The following SLC12A9 variants were observed in gnomAD, a reference collection of about 807,000 sequenced individuals.
SLC12A9 encodes solute carrier family 12 member 9.
In SLC12A9, 55 loss-of-function variants were observed where a neutral mutation model predicts 66.0. The ratio of observed to expected loss-of-function variants is 0.83; its 90% CI spans 0.67 to 1.04. The LOEUF (loss-of-function observed/expected upper bound fraction) is 1.04, where lower values mean the gene tolerates loss of function less well. Among genes scored for constraint, SLC12A9 ranks in the 50% least tolerant of loss-of-function variants. The pLI is 0.00. For missense variants in SLC12A9, 1,061 were observed against 1,241.9 expected (o/e 0.85, Z 2.19); for synonymous variants, 577 against 569.0 (o/e 1.01, Z -0.20).
At position 100,865,821 on chromosome 7, in the gene SLC12A9, C is replaced by T; in HGVS notation, c.1961C>T (p.Thr654Ile). Residue 654 changes from threonine (T) to isoleucine (I), a missense_variant, in exon 14 of 14, where the codon ACC (threonine) becomes ATC (isoleucine). Physicochemically the swap from Thr to Ile is moderately conservative, Grantham distance 89 (BLOSUM62 -1). Transcript: ENST00000354161. ...GCTTTCTCTGAGCCTGCAGACAGCACCAGGGAGGGCAGTTCCCCAGCTCTG... is the reference window on the plus strand; with the variant it reads ...GCTTTCTCTGAGCCTGCAGACAGCATCAGGGAGGGCAGTTCCCCAGCTCTG... ...DPAFSEPADS[T>I]REGSSPALST... The T allele has an allele frequency of 6.2e-7, 1 of 1,613,948 alleles. No homozygotes were observed. Among genetic ancestry groups the T allele is most frequent in the Non-Finnish European group, 8.5e-7 (1 of 1,180,024 alleles).
chr7:100,859,899 A>G lies in SLC12A9; in HGVS notation c.992A>G (p.Glu331Gly), dbSNP rs772753505. The G allele has an allele frequency of 6.9e-6, 11 of 1,599,930 alleles. No individual in the cohort carries two copies. In the East Asian group the frequency reaches 2.5e-4, roughly 36 times the overall value. ...CTCCTTCCTAGGACCCTGCTGCAGG[A>G]AGACTATGGGTTCTTCCGCGCCATC... ...SFTCDRTLLQ[E>G]DYGFFRAISL... The change falls in exon 8 of 14, where the codon GAA becomes GGA. Residue 331 changes from glutamate (E) to glycine (G), a missense_variant. Coordinates refer to ENST00000354161, the MANE Select transcript of SLC12A9 (RefSeq NM_020246.4).
chr7:100,865,476 C>CT (rs1327497997), intron 13 of SLC12A9: 1 of 1,533,072 alleles, frequency 6.5e-7, no homozygotes, highest in Non-Finnish European at 8.7e-7. Flanking sequence ...CTAAGGCGAA[C>CT]TTTGCCTGTT....
intron 1 of SLC12A9, among the ~76,000 whole-genome samples, chr7:100,842,340 T>C (rs1311399708): frequency 1.3e-5 from 2 of 152,218 alleles, no homozygotes; most frequent in African/African-American, 4.8e-5. Context: ...TTGCATTTAA[T>C]GATTGCTTTG....
chr7:100,845,141 G>C (rs1316608655), intron 1 of SLC12A9, among the ~76,000 whole-genome samples: 2 of 151,494 alleles, frequency 1.3e-5, no homozygotes, highest in Non-Finnish European at 2.9e-5. Flanking sequence ...CATCCTTCCT[G>C]TAGGAAGACT....
chr7:100,835,383 C>T (rs1490664805), intron 1 of SLC12A9, among the ~76,000 whole-genome samples: 3 of 146,552 alleles, frequency 2.0e-5, no homozygotes, highest in East Asian at 2.0e-4. Flanking sequence ...CGGGCGCGGT[C>T]GCTCATGCCT....
chr7:100,838,019 C>T (rs1813702736), intron 1 of SLC12A9, among the ~76,000 whole-genome samples: 1 of 151,972 alleles, frequency 6.6e-6, no homozygotes, highest in Admixed American at 6.6e-5. Context: ...CTCTACCATG[C>T]CTGGCTAATT....
chr7:100,860,336 A>G, intron 9 of SLC12A9, 104 bp downstream of exon 9: 2 of 1,207,952 alleles, frequency 1.7e-6, no homozygotes, highest in Non-Finnish European at 2.3e-6. Context: ...ACAAATGCGT[A>G]TGCACTTGGG....
intron 1 of SLC12A9, among the ~76,000 whole-genome samples, chr7:100,834,213 A>T (rs555432282): frequency 6.6e-6 from 1 of 152,246 alleles, no homozygotes; most frequent in South Asian, 2.1e-4. Context: ...AAGGAGTTTA[A>T]AGGCAGAGTT....
chr7:100,826,950 G>T, exon 1 of SLC12A9: 1 of 1,523,362 alleles, frequency 6.6e-7, no homozygotes, highest in Non-Finnish European at 8.8e-7. Context: ...GGAGTGACGG[G>T]GTGCGCCCCC....
At chr7:100,826,883 G>A in exon 1 of SLC12A9, 1 of 1,416,490 alleles carries the variant, frequency 7.1e-7, no homozygotes, top group African/African-American at 1.4e-5. Flanking sequence ...CCCGGGTAGG[G>A]GTAGTCAGAG....
chr7:100,826,870 G>C, exon 1 of SLC12A9: 1 of 1,306,982 alleles, frequency 7.7e-7, no homozygotes, highest in Non-Finnish European at 1.0e-6. Context: ...TGGGACTGCA[G>C]TGCCCGGGTA....
chr7:100,859,740 T>G, intron 7 of SLC12A9, 145 bp from the exon 8 acceptor site: 1 of 995,654 alleles, frequency 1.0e-6, no homozygotes, highest in Non-Finnish European at 1.5e-6. Flanking sequence ...GACCACTGAG[T>G]GATTAAATCC....
At position 100,834,415 on chromosome 7, in the gene SLC12A9, A is replaced by G. The variant is rs1479381599; in HGVS notation, n.228+7368A>G. The stretch of plus-strand genomic sequence containing the variant: ...AAGCAACATTGCATGGTTTGTAGAG[A>G]AAGATCCCACTTATACAATTTTGGA... On this transcript the variant is annotated intron_variant and non_coding_transcript_variant, in intron 1 of 1. Coordinates refer to the SLC12A9 transcript ENST00000461016. Among the ~76,000 whole-genome samples the G allele has an allele frequency of 2.6e-5, 4 of 152,152 alleles. No individual in the cohort carries two copies. The East Asian group carries it at 7.7e-4, about 29-fold the overall frequency.
At chr7:100,855,595 C>A in intron 3 of SLC12A9, 111 bp from the exon 4 acceptor site, 1 of 1,460,712 alleles carries the variant, frequency 6.8e-7, no homozygotes, top group Non-Finnish European at 9.5e-7. Context: ...TTGGGCAAAG[C>A]CACATGGCTG....
intron 1 of SLC12A9, among the ~76,000 whole-genome samples, chr7:100,829,528 G>C (rs975141682): frequency 6.6e-6 from 1 of 151,994 alleles, no homozygotes; most frequent in Non-Finnish European, 1.5e-5. Flanking sequence ...GGGGTGGGCC[G>C]GTCACCGAGG....
intron 1 of SLC12A9, among the ~76,000 whole-genome samples, chr7:100,842,443 G>A (rs966042611): frequency 1.3e-5 from 2 of 152,160 alleles, no homozygotes; most frequent in African/African-American, 4.8e-5. Flanking sequence ...CTGGGCATTA[G>A]TAAACTAGGA....
intron 1 of SLC12A9, among the ~76,000 whole-genome samples, chr7:100,828,989 A>AT (rs1310421012): frequency 0.01 from 1,473 of 142,566 alleles, 12 homozygotes; most frequent in African/African-American, 0.013. Context: ...GCGGGGACAG[A>AT]TTTTTTTTTT....
At chr7:100,851,714 C>T (rs1814085545), upstream of SLC12A9, among the ~76,000 whole-genome samples, 1 of 136,192 alleles carries the variant, frequency 7.3e-6, no homozygotes, top group African/African-American at 2.7e-5. Context: ...ATGCTTGAGC[C>T]GGAAATGCAG....
chr7:100,836,355 G>A (rs542201720), intron 1 of SLC12A9, among the ~76,000 whole-genome samples: 1 of 152,242 alleles, frequency 6.6e-6, no homozygotes, highest in African/African-American at 2.4e-5. Flanking sequence ...ACCGAGGGTA[G>A]CAGGTCGGGC....
Sources: gnomAD v4.1 joint callset for allele counts (sites outside exome capture counted in the v4.1 genomes callset) on GRCh38, gnomAD v4.1.1 for gene constraint, MANE v1.5 for transcripts, NCBI Gene and HGNC (gene_info 2026-07-23, HGNC 2026-07-21) for gene names.